The following PLD5 variants were observed in gnomAD, a reference collection of about 807,000 sequenced individuals.
PLD5 encodes the protein phospholipase D family member 5.
Under a neutral mutation model 61.1 loss-of-function variants are expected in PLD5, and 36 were observed. The ratio of observed to expected loss-of-function variants is 0.59; its 90% CI spans 0.45 to 0.78. The LOEUF (loss-of-function observed/expected upper bound fraction) is 0.78. Among genes scored for constraint, PLD5 ranks in the 30% least tolerant of loss-of-function variants. The pLI is 0.00. For synonymous variants in PLD5, 243 were observed against 242.8 expected (o/e 1.00, Z -0.01); for missense variants, 515 against 644.4 (o/e 0.80, Z 2.17).
Position 242,181,169 on chromosome 1 carries a change from C to T in PLD5, c.735+38819G>A, listed in dbSNP as rs373975081. ...GTGATTTGAATTATTAAAATTTATCCTCTCATTCAATAGGTCGGAGGTAGG... is the reference window on the plus strand; with the variant it reads ...GTGATTTGAATTATTAAAATTTATCTTCTCATTCAATAGGTCGGAGGTAGG... On this transcript the variant is annotated intron_variant, in intron 5 of 9. Transcript: ENST00000536534. Among the ~76,000 whole-genome samples the T allele has an allele frequency of 7.9e-5, 12 of 152,184 alleles. No individual in the cohort carries two copies. The East Asian group carries it at 1.2e-3, about 15-fold the overall frequency.
At chr1:242,276,343 C>CAT (rs200875970) in intron 3 of PLD5, among the ~76,000 whole-genome samples, 1,647 of 142,704 alleles carry the variant, frequency 0.012, 22 homozygotes, top group Middle Eastern at 0.033. Flanking sequence ...TTCATATATT[C>CAT]ATATATATAT....
chr1:242,255,680 T>G (rs1672975251), intron 4 of PLD5, among the ~76,000 whole-genome samples: 1 of 152,314 alleles, frequency 6.6e-6, no homozygotes. Context: ...AATCCATGAA[T>G]GTGAAAATAA....
At chr1:242,454,219 G>A (rs1666874618) in intron 1 of PLD5, among the ~76,000 whole-genome samples, 1 of 151,852 alleles carries the variant, frequency 6.6e-6, no homozygotes, top group Admixed American at 6.6e-5. Flanking sequence ...TGTAATCCCA[G>A]CTACTCGAGA....
chr1:242,310,956 T>C (rs1453881573), intron 2 of PLD5, among the ~76,000 whole-genome samples: 1 of 152,188 alleles, frequency 6.6e-6, no homozygotes, highest in Non-Finnish European at 1.5e-5. Flanking sequence ...GTGAAACTCA[T>C]AGGGCCACGT....
chr1:242,459,281 G>A (rs1482065161), intron 1 of PLD5, among the ~76,000 whole-genome samples: 4 of 152,200 alleles, frequency 2.6e-5, no homozygotes, highest in Non-Finnish European at 5.9e-5. Context: ...TTTAAGTTTA[G>A]ACATAAGCAA....
chr1:242,439,214 T>C (rs2055538), intron 1 of PLD5, among the ~76,000 whole-genome samples: 49,867 of 152,052 alleles, frequency 0.33, 8,758 homozygotes, highest in Non-Finnish European at 0.39. Context: ...CTTGTTCACG[T>C]AGAGTCCAAG....
intron 5 of PLD5, 126 bp downstream of exon 5, chr1:242,219,862 T>G: frequency 1.6e-6 from 2 of 1,244,022 alleles, no homozygotes; most frequent in Non-Finnish European, 2.2e-6. Flanking sequence ...ATGAGCCTCT[T>G]AAAACTACAG....
intron 2 of PLD5, among the ~76,000 whole-genome samples, chr1:242,331,994 G>A (rs1558472248): frequency 6.6e-6 from 1 of 152,048 alleles, no homozygotes; most frequent in Non-Finnish European, 1.5e-5. Flanking sequence ...CCATCAACCC[G>A]TCATCTACAC....
chr1:242,215,601 G>C (rs1416907515), intron 5 of PLD5, among the ~76,000 whole-genome samples: 1 of 152,130 alleles, frequency 6.6e-6, no homozygotes, highest in South Asian at 2.1e-4. Flanking sequence ...TGGGGAAGAA[G>C]GTATGCTTCC....
At chr1:242,438,147 T>A (rs1666090214) in intron 1 of PLD5, among the ~76,000 whole-genome samples, 1 of 152,198 alleles carries the variant, frequency 6.6e-6, no homozygotes, top group East Asian at 1.9e-4. Context: ...CAAGTAACTT[T>A]TTAAAAGTCC....
rs1026196651 is a variant in PLD5 at position 242,169,883 on chromosome 1, A to T, written c.736-45218T>A. Among the ~76,000 whole-genome samples, 3 of 152,282 alleles carry T rather than the reference A, an allele frequency of 2.0e-5. No homozygotes were observed. The East Asian group carries it at 5.8e-4, about 29-fold the overall frequency. ...TGCTATGGCCAGACTGCCTTTCTAG[A>T]TATCTCCTCTCTGGGAAGGGCATCT... On this transcript the variant is annotated intron_variant, in intron 5 of 9. Coordinates refer to ENST00000536534, the MANE Select transcript of PLD5 (RefSeq NM_001372062.1).
intron 2 of PLD5, among the ~76,000 whole-genome samples, chr1:242,321,351 T>G (rs1012643558): frequency 5.0e-4 from 76 of 151,872 alleles, no homozygotes; most frequent in Non-Finnish European, 9.3e-4. Context: ...TTGCCCAGGC[T>G]GGAGTACAAT....
intron 3 of PLD5, among the ~76,000 whole-genome samples, chr1:242,284,150 TA>T (rs1674886935): frequency 8.9e-6 from 1 of 111,996 alleles, no homozygotes; most frequent in Non-Finnish European, 1.7e-5. Flanking sequence ...TTTTTTTTTT[TA>T]TAGATACACA....
intron 1 of PLD5, among the ~76,000 whole-genome samples, chr1:242,437,860 T>C (rs1251323083): frequency 1.3e-5 from 2 of 152,198 alleles, no homozygotes; most frequent in African/African-American, 4.8e-5. Context: ...GGGCCCAAGA[T>C]CACATCACAC....
At chr1:242,347,973 T>C in intron 2 of PLD5, 133 bp downstream of exon 2, 3 of 1,076,716 alleles carry the variant, frequency 2.8e-6, no homozygotes, top group Non-Finnish European at 4.0e-6. Context: ...GTGGACAGAC[T>C]CACACCTCAG....
intron 2 of PLD5, among the ~76,000 whole-genome samples, chr1:242,290,391 A>T (rs572764702): frequency 1.3e-5 from 2 of 152,008 alleles, no homozygotes; most frequent in African/African-American, 4.8e-5. Context: ...TATATTTGTG[A>T]GTTAGTGAGC....
At chr1:242,442,300 AC>A (rs1232363653) in intron 1 of PLD5, among the ~76,000 whole-genome samples, 1 of 152,186 alleles carries the variant, frequency 6.6e-6, no homozygotes, top group African/African-American at 2.4e-5. Flanking sequence ...AAGAATAAAA[AC>A]AACTGAGAAG....
intron 4 of PLD5, among the ~76,000 whole-genome samples, chr1:242,241,147 G>T (rs394825): frequency 6.6e-6 from 1 of 151,732 alleles, no homozygotes; most frequent in East Asian, 1.9e-4. Context: ...CCGTTCTACA[G>T]AAAGGTATGG....
At chr1:242,163,088 T>C (rs1014120957) in intron 5 of PLD5, among the ~76,000 whole-genome samples, 1 of 152,044 alleles carries the variant, frequency 6.6e-6, no homozygotes, top group Non-Finnish European at 1.5e-5. Flanking sequence ...TTCATGGAAA[T>C]GTCTGTGAAG....
Sources: allele counts gnomAD v4.1 joint callset (sites outside exome capture counted in the v4.1 genomes callset), GRCh38; gene constraint gnomAD v4.1.1; transcripts MANE v1.5; gene names NCBI Gene and HGNC (gene_info 2026-07-23, HGNC 2026-07-21).